GLRB: variants seen among roughly 807,000 people sequenced by gnomAD.
GLRB encodes glycine receptor subunit beta.
A neutral mutation model predicts 54.2 loss-of-function variants in GLRB; 33 were observed. The observed-to-expected ratio is 0.61, with a 90% CI of 0.46 to 0.81. GLRB has a LOEUF of 0.81. Ranked by LOEUF, GLRB falls within the 40% of genes least tolerant of loss-of-function variation. The probability of loss-of-function intolerance (pLI) is 0.00; values close to 1 mark genes in which losing one functional copy is unlikely to be tolerated. For synonymous variants in GLRB, 209 were observed against 208.2 expected (o/e 1.00, Z -0.03); for missense variants, 572 against 584.6 (o/e 0.98, Z 0.22).
chr4:157,101,852 T>G (rs1402531833), intron 2 of GLRB, among the ~76,000 whole-genome samples: 2 of 151,334 alleles, frequency 1.3e-5, no homozygotes, highest in Non-Finnish European at 2.9e-5. Flanking sequence ...GGGGCGGTTG[T>G]TAAAAAACTA....
chr4:157,170,938 G>C lies in GLRB; in HGVS notation c.*210G>C, dbSNP rs1218392444. 9.1e-6 allele frequency: 4 copies of C among 441,604 alleles called. No individual in the cohort carries two copies. The highest frequency in any genetic ancestry group is 1.6e-5 in the Non-Finnish European group (4 of 249,086). 27.4% of individuals were successfully genotyped at this position (441,604 alleles called of 1,614,324 possible). On this transcript the variant is annotated 3_prime_UTR_variant, in exon 10 of 10. Coordinates refer to ENST00000264428, the MANE Select transcript of GLRB (RefSeq NM_000824.5). The stretch of plus-strand genomic sequence containing the variant: ...TAATAACGATGTATATATGTATAGT[G>C]AACATATTGCTTAGTAACAAATGAA...
chr4:157,129,194 G>A (rs1302854895), intron 4 of GLRB, among the ~76,000 whole-genome samples: 1 of 151,680 alleles, frequency 6.6e-6, no homozygotes, highest in African/African-American at 2.4e-5. Context: ...TATTTGGAAT[G>A]AACAATGAAT....
rs1039767419 is a variant in GLRB at position 157,093,687 on chromosome 4, G to A, written c.122+15541G>A. Among the ~76,000 whole-genome samples, 7 of 150,464 alleles carry A rather than the reference G, an allele frequency of 4.7e-5. No individual in the cohort carries two copies. The South Asian group carries it at 8.5e-4, about 18-fold the overall frequency. On this transcript the variant is annotated intron_variant, in intron 2 of 9. Transcript: ENST00000264428. ...GAAGAATCGCTTGAACCCGGGAGGC[G>A]GAGGTTGCAGTGAGCTGAGATCGTG...
intron 4 of GLRB, among the ~76,000 whole-genome samples, chr4:157,136,091 A>C (rs1736389046): frequency 2.6e-5 from 4 of 152,180 alleles, no homozygotes; most frequent in African/African-American, 9.6e-5. Flanking sequence ...AGATATGTGT[A>C]TACTTGGACA....
intron 4 of GLRB, among the ~76,000 whole-genome samples, chr4:157,129,107 G>A (rs1399836592): frequency 6.6e-6 from 1 of 151,692 alleles, no homozygotes; most frequent in Non-Finnish European, 1.5e-5. Flanking sequence ...TTGAAGAAAT[G>A]GTTTAATTTG....
chr4:157,140,648 A>G (rs375746391), intron 7 of GLRB, among the ~76,000 whole-genome samples: 1 of 151,946 alleles, frequency 6.6e-6, no homozygotes, highest in East Asian at 1.9e-4. Flanking sequence ...AATGAAATAG[A>G]CCCTTGCCCA....
intron 3 of GLRB, 30 bp from the exon 4 acceptor site, chr4:157,122,300 A>G (rs1344048313): frequency 5.7e-6 from 5 of 881,360 alleles, no homozygotes; most frequent in Non-Finnish European, 9.2e-6. Flanking sequence ...TTTTACAGCT[A>G]ATAAATATAT....
chr4:157,128,403 T>C (rs1476156633), intron 4 of GLRB, among the ~76,000 whole-genome samples: 1 of 151,894 alleles, frequency 6.6e-6, no homozygotes, highest in Non-Finnish European at 1.5e-5. Flanking sequence ...GTCCAAGTTT[T>C]GTTTTCTCTT....
chr4:157,115,800 C>T lies in GLRB; in HGVS notation c.123-4756C>T, dbSNP rs78107517. Among the ~76,000 whole-genome samples the T allele has an allele frequency of 7.9e-5, 12 of 151,910 alleles. No homozygotes were observed. The East Asian group carries it at 2.1e-3, about 27-fold the overall frequency. ...ATACAACCAACACATATTACATCCTCATTCTACCCTTGTGTCTGTGGCTTT... is the reference window on the plus strand; with the variant it reads ...ATACAACCAACACATATTACATCCTTATTCTACCCTTGTGTCTGTGGCTTT... On this transcript the variant is annotated intron_variant, in intron 2 of 9. Transcript: ENST00000264428.
chr4:157,113,458 G>T (rs1735493853), intron 2 of GLRB, among the ~76,000 whole-genome samples: 1 of 151,946 alleles, frequency 6.6e-6, no homozygotes, highest in South Asian at 2.1e-4. Context: ...GGTATAAATA[G>T]AAGATACTTC....
At chr4:157,118,300 C>A (rs1475328101) in intron 2 of GLRB, among the ~76,000 whole-genome samples, 1 of 151,638 alleles carries the variant, frequency 6.6e-6, no homozygotes, top group Non-Finnish European at 1.5e-5. Flanking sequence ...TCAATCAATT[C>A]TTTTACTTCC....
chr4:157,119,729 A>C (rs1338460740), intron 2 of GLRB, among the ~76,000 whole-genome samples: 1 of 151,758 alleles, frequency 6.6e-6, no homozygotes, highest in Non-Finnish European at 1.5e-5. Flanking sequence ...AAAAGTCAGG[A>C]AACAACAGGT....
chr4:157,093,505 C>T (rs192204000), intron 2 of GLRB, among the ~76,000 whole-genome samples: 1 of 152,172 alleles, frequency 6.6e-6, no homozygotes, highest in Non-Finnish European at 1.5e-5. Flanking sequence ...CTTTGGGAGG[C>T]TGAGGTGGGC....
intron 9 of GLRB, among the ~76,000 whole-genome samples, chr4:157,162,281 C>T (rs1274558459): frequency 5.9e-5 from 9 of 152,138 alleles, no homozygotes; most frequent in African/African-American, 2.2e-4. Context: ...TTTGAACATC[C>T]TCCTTTAGCT....
At chr4:157,110,112 T>C (rs1735364181) in intron 2 of GLRB, among the ~76,000 whole-genome samples, 1 of 151,896 alleles carries the variant, frequency 6.6e-6, no homozygotes, top group African/African-American at 2.4e-5. Flanking sequence ...CCCAACTCTT[T>C]AATCATGTTT....
intron 7 of GLRB, among the ~76,000 whole-genome samples, chr4:157,142,221 G>GGAAAA (rs1357108017): frequency 6.6e-6 from 1 of 151,872 alleles, no homozygotes; most frequent in Non-Finnish European, 1.5e-5. Flanking sequence ...GGGAATGGTG[G>GGAAAA]GAAAAGAAAA....
At chr4:157,119,288 A>C (rs538331473) in intron 2 of GLRB, among the ~76,000 whole-genome samples, 1 of 151,736 alleles carries the variant, frequency 6.6e-6, no homozygotes, top group South Asian at 2.1e-4. Context: ...GCCATATTTT[A>C]CTGAGTGAGG....
chr4:157,092,690 G>A (rs910959807), intron 2 of GLRB, among the ~76,000 whole-genome samples: 1 of 152,160 alleles, frequency 6.6e-6, no homozygotes, highest in African/African-American at 2.4e-5. Flanking sequence ...TCACATGGGA[G>A]GCCATCGACT....
rs572252065 is a variant in GLRB at position 157,163,037 on chromosome 4, G to A, written c.1198-7395G>A. ...TACCTACTCAAGCTTCAGCAATGGC[G>A]GACACCCCTCCCCCAGCCTCGCTTC... On this transcript the variant is annotated intron_variant, in intron 9 of 9. Transcript: ENST00000264428. Among the ~76,000 whole-genome samples, 17 of 152,216 alleles carry A rather than the reference G, an allele frequency of 1.1e-4. No homozygotes were observed. The South Asian group carries it at 1.9e-3, about 17-fold the overall frequency.
Sources: gnomAD v4.1 joint callset for allele counts (sites outside exome capture counted in the v4.1 genomes callset) on GRCh38, gnomAD v4.1.1 for gene constraint, MANE v1.5 for transcripts, NCBI Gene and HGNC (gene_info 2026-07-23, HGNC 2026-07-21) for gene names.